Variants in STOML1 observed in about 807,000 individuals in gnomAD.
STOML1 encodes the protein stomatin-like protein 1.
A neutral mutation model predicts 35.7 loss-of-function variants in STOML1; 27 were observed. That is an observed-to-expected ratio of 0.76 (90% CI 0.56 to 1.04). The LOEUF (loss-of-function observed/expected upper bound fraction) is 1.04, where lower values mean the gene tolerates loss of function less well. Ranked by LOEUF, STOML1 falls within the 50% of genes least tolerant of loss-of-function variation. The probability of loss-of-function intolerance (pLI) is 0.00; values close to 1 mark genes in which losing one functional copy is unlikely to be tolerated. For missense variants in STOML1, 451 were observed against 527.1 expected (o/e 0.86, Z 1.41); for synonymous variants, 219 against 227.9 (o/e 0.96, Z 0.35).
At chr15:73,984,968 G>T in intron 5 of STOML1, 97 bp from the exon 6 acceptor site, 2 of 1,416,128 alleles carry the variant, frequency 1.4e-6, no homozygotes, top group Non-Finnish European at 1.9e-6. Flanking sequence ...ACCTTTTGTG[G>T]CAGTTTCCTC....
chr15:73,990,175 C>T lies in STOML1; in HGVS notation c.240+176G>A, dbSNP rs1314500855. ...GGCTCCCAGTATGACTTTAGACAAG[C>T]CCAAGCCTTAGTTTCCTCCCCTGAC... On this transcript the variant is annotated intron_variant, in intron 2 of 6. Coordinates refer to ENST00000541638, the MANE Select transcript of STOML1 (RefSeq NM_004809.5). The T allele has an allele frequency of 2.6e-5, 16 of 625,340 alleles. No individual in the cohort carries two copies. In the East Asian group the frequency reaches 4.7e-4, roughly 18 times the overall value. The allele number at this position is 625,340 out of a possible 1,614,324, so 38.7% of individuals were successfully genotyped here. A position where few individuals can be genotyped will look rare whatever the true frequency, so the allele number is the denominator to read the frequency against.
At position 73,988,354 on chromosome 15, in the gene STOML1, A is replaced by G; in HGVS notation, c.594+245T>C. The G allele has an allele frequency of 3.8e-6, 2 of 524,636 alleles. No homozygotes were observed. The highest frequency in any genetic ancestry group is 5.2e-4 in the Middle Eastern group (1 of 1,912). The allele number at this position is 524,636 out of a possible 1,614,324, so 32.5% of individuals were successfully genotyped here. On this transcript the variant is annotated intron_variant, in intron 4 of 6. Coordinates refer to ENST00000541638, the MANE Select transcript of STOML1 (RefSeq NM_004809.5). The surrounding 1 kb of genome is among the most constrained non-coding windows in gnomAD (Gnocchi z 4.8). ...AAAAACTAAGGGGCAGACCCCAAGA[A>G]TGTCTGCCGGGGCCACTTCCTCTTC...
intron 1 of STOML1, chr15:73,991,731 G>A (rs1340030778): frequency 5.9e-6 from 3 of 508,570 alleles, no homozygotes; most frequent in Non-Finnish European, 7.6e-6. Flanking sequence ...GTGCCTTTAG[G>A]GTGCTGGTGG....
chr15:73,983,995 A>C lies in STOML1; in HGVS notation c.1139T>G (p.Val380Gly). The C allele has an allele frequency of 1.2e-6, 2 of 1,613,874 alleles. No individual in the cohort carries two copies. Among genetic ancestry groups the C allele is most frequent in the Non-Finnish European group, 1.7e-6 (2 of 1,179,996 alleles). The change falls in exon 7 of 7, where the codon GTG becomes GGG. Residue 380 changes from valine to glycine, a missense_variant. By Grantham distance (109) the Val-to-Gly change is moderately radical. Coordinates refer to ENST00000541638, the MANE Select transcript of STOML1 (RefSeq NM_004809.5). Reference sequence around the variant, plus strand: ...CATGGCCATAGCCAGGTCGCCCTTCACCTTCAGCCGTCCACTCATGTAGGC... The same window carrying C: ...CATGGCCATAGCCAGGTCGCCCTTCCCCTTCAGCCGTCCACTCATGTAGGC... ...LGAYMSGRLK[V>G]KGDLAMAMKL...
rs201561119 is a variant in STOML1, at chr15:73,992,260, G to A, written c.-37C>T. 6 of 1,576,034 alleles carry A rather than the reference G, an allele frequency of 3.8e-6. No homozygotes were observed. The African/African-American group carries it at 5.7e-5, about 15-fold the overall frequency. ...GGAGACACGCCCCGCGCCTCCGCGC[G>A]GCGCCCTCCCTGGCCAGTGGGCCCT... On this transcript the variant is annotated 5_prime_UTR_variant, in exon 1 of 7. Transcript: ENST00000541638.
At chr15:73,991,649 C>T (rs2069279631) in intron 1 of STOML1, 1 of 461,406 alleles carries the variant, frequency 2.2e-6, no homozygotes, top group African/African-American at 2.0e-5. Context: ...CCTGCACATC[C>T]AGGAGATGCC....
chr15:73,980,446 G>A lies in STOML1; in HGVS notation c.*3491C>T, dbSNP rs1162118408. ...ATCCATACTGTGGAATCCTATGTAA[G>A]TACAAGAAAGCACAGGGAAAGGCTG... On this transcript the variant is annotated 3_prime_UTR_variant, in exon 7 of 7. Coordinates refer to ENST00000541638, the MANE Select transcript of STOML1 (RefSeq NM_004809.5). 6.6e-6 allele frequency: 1 copy of A among 152,182 alleles called. No homozygotes were observed. The highest frequency in any genetic ancestry group is 1.5e-5 in the Non-Finnish European group (1 of 68,040). 9.4% of individuals were successfully genotyped at this position (152,182 alleles called of 1,614,324 possible). A position where few individuals can be genotyped will look rare whatever the true frequency, so the allele number is the denominator to read the frequency against.
Position 73,988,497 on chromosome 15 carries a change from A to C in STOML1, c.594+102T>G. ...GGTTACACTATTGGGACATATGGTA[A>C]ACTGAGGCCCAGAGTGGTCTGACTC... On this transcript the variant is annotated intron_variant, in intron 4 of 6. Transcript: ENST00000541638. The surrounding 1 kb of genome is among the most constrained non-coding windows in gnomAD (Gnocchi z 4.8). The C allele has an allele frequency of 2.2e-6, 3 of 1,389,558 alleles. No homozygotes were observed. Among genetic ancestry groups the C allele is most frequent in the Non-Finnish European group, 2.9e-6 (3 of 1,020,352 alleles). The allele number at this position is 1,389,558 out of a possible 1,614,324, so 86.1% of individuals were successfully genotyped here.
intron 1 of STOML1, chr15:73,990,676 T>A: frequency 9.9e-7 from 1 of 1,005,212 alleles, no homozygotes; most frequent in Non-Finnish European, 1.5e-6. Flanking sequence ...TTGTCCCAAG[T>A]CCAACAACCC....
chr15:73,994,442 G>C (rs368791161), upstream of STOML1: 1,023 of 276,796 alleles, frequency 3.7e-3, 16 homozygotes, highest in African/African-American at 0.02. Flanking sequence ...TGTACGCCCA[G>C]CTCCCGGCAG....
Position 73,983,938 on chromosome 15 carries a change from T to C in STOML1, c.1196A>G (p.Ter399TrpextTer33), listed in dbSNP as rs576015466. The change falls in exon 7 of 7, where the codon TAG (stop) becomes TGG (tryptophan). Residue 399 changes from the stop codon to tryptophan (W), a stop_lost. Coordinates refer to ENST00000541638, the MANE Select transcript of STOML1 (RefSeq NM_004809.5). ...GCTCTGGAAAGTCAGCCAAGGCTGCTACTTCAAGGCCCTGAGGACAGCCTC... is the reference window on the plus strand; with the variant it reads ...GCTCTGGAAAGTCAGCCAAGGCTGCCACTTCAAGGCCCTGAGGACAGCCTC... Reference protein sequence around the residue: ...KLEAVLRALK* With the variant: ...KLEAVLRALKW 2.5e-6 allele frequency: 4 copies of C among 1,609,242 alleles called. No individual in the cohort carries two copies. The South Asian group carries it at 4.4e-5, about 18-fold the overall frequency.
rs1178020919 is a variant in STOML1, at chr15:73,982,838, TTCCTTCCCGTCAG to T, written c.*1086_*1098del. The T allele has an allele frequency of 3.9e-5, 6 of 152,114 alleles. No homozygotes were observed. The highest frequency in any genetic ancestry group is 3.3e-4 in the Admixed American group (5 of 15,270). The allele number at this position is 152,114 out of a possible 1,614,324, so 9.4% of individuals were successfully genotyped here. A position where few individuals can be genotyped will look rare whatever the true frequency, so the allele number is the denominator to read the frequency against. ...CCTGGGGCCAGACCTCAATGACTGT[TTCCTTCCCGTCAG>T]CGAGCGGAGAAGCAGTGACAGAGTG... On this transcript the variant is annotated 3_prime_UTR_variant, in exon 7 of 7. Coordinates refer to ENST00000541638, the MANE Select transcript of STOML1 (RefSeq NM_004809.5).
chr15:73,983,786 C>G lies in STOML1; in HGVS notation c.*151G>C, dbSNP rs2068998171. 2.3e-6 allele frequency: 2 copies of G among 854,908 alleles called. No homozygotes were observed. The highest frequency in any genetic ancestry group is 3.7e-5 in the South Asian group (2 of 53,704). The allele number at this position is 854,908 out of a possible 1,614,324, so 53.0% of individuals were successfully genotyped here. A position where few individuals can be genotyped will look rare whatever the true frequency, so the allele number is the denominator to read the frequency against. On this transcript the variant is annotated 3_prime_UTR_variant, in exon 7 of 7. Coordinates refer to ENST00000541638, the MANE Select transcript of STOML1 (RefSeq NM_004809.5). ...CGTGCATGGCAGCCGGACTCAGCCT[C>G]CTGCAGCCTCCATTCATGGGCTCTT... is the stretch of plus-strand genomic sequence containing the variant.
intron 4 of STOML1, chr15:73,987,994 G>A (rs1019961672): frequency 1.3e-5 from 2 of 152,472 alleles, no homozygotes; most frequent in Admixed American, 1.3e-4. Context: ...GACACAAGAG[G>A]AAGCACAAGT....
At chr15:73,993,931 A>G (rs2069361002), upstream of STOML1, among the ~76,000 whole-genome samples, 1 of 146,532 alleles carries the variant, frequency 6.8e-6, no homozygotes, top group Admixed American at 6.9e-5. Flanking sequence ...CACTCAAGGC[A>G]TCATCCTGCT....
At chr15:73,993,655 GTCTGTT>G (rs1395894712), upstream of STOML1, among the ~76,000 whole-genome samples, 3 of 152,168 alleles carry the variant, frequency 2.0e-5, no homozygotes, top group African/African-American at 4.8e-5. Flanking sequence ...ATCCTTTCTA[GTCTGTT>G]TCTAAGTTGG....
chr15:73,981,696 T>A lies in STOML1; in HGVS notation c.*2241A>T, dbSNP rs899718260. 6.6e-6 allele frequency: 1 copy of A among 152,246 alleles called. No homozygotes were observed. Among genetic ancestry groups the A allele is most frequent in the Admixed American group, 6.5e-5 (1 of 15,280 alleles). 9.4% of individuals were successfully genotyped at this position (152,246 alleles called of 1,614,324 possible). On this transcript the variant is annotated 3_prime_UTR_variant, in exon 7 of 7. Transcript: ENST00000541638. ...TCTTATTGTCCACCTACTTGGTAGCTGGGATGTGGAGGACATCACCTCCTC... is the reference window on the plus strand; with the variant it reads ...TCTTATTGTCCACCTACTTGGTAGCAGGGATGTGGAGGACATCACCTCCTC...
chr15:73,992,595 G>A (rs1234554322), upstream of STOML1, among the ~76,000 whole-genome samples: 1 of 152,160 alleles, frequency 6.6e-6, no homozygotes, highest in African/African-American at 2.4e-5. Context: ...ATCGCTTGAG[G>A]CCAGGAATTC....
At chr15:73,990,529 G>A (rs1005463030) in intron 1 of STOML1, 72 bp from the exon 2 acceptor site, 1 of 1,398,032 alleles carries the variant, frequency 7.2e-7, no homozygotes, top group African/African-American at 1.4e-5. Flanking sequence ...TTGGGCAAGT[G>A]TACCTTACGC....
Sources: allele counts gnomAD v4.1 joint callset (sites outside exome capture counted in the v4.1 genomes callset), GRCh38; gene constraint gnomAD v4.1.1; non-coding constraint Gnocchi (gnomAD v3.1); transcripts MANE v1.5; gene names NCBI Gene and HGNC (gene_info 2026-07-23, HGNC 2026-07-21).